The following ZC3H3 variants were observed in gnomAD, a reference collection of about 807,000 sequenced individuals.
The protein encoded by ZC3H3 is zinc finger CCCH-type containing 3.
Under a neutral mutation model 77.3 loss-of-function variants are expected in ZC3H3, and 36 were observed. That is an observed-to-expected ratio of 0.47 (90% CI 0.36 to 0.61). ZC3H3 has a LOEUF of 0.61. ZC3H3 is among the 20% of genes least tolerant of loss of function. The pLI is 0.00. For missense variants in ZC3H3, 1,331 were observed against 1,312.2 expected (o/e 1.01, Z -0.22); for synonymous variants, 626 against 555.2 (o/e 1.13, Z -1.79).
chr8:143,441,377 T>G (rs1304188812), intron 9 of ZC3H3, among the ~76,000 whole-genome samples: 3 of 152,200 alleles, frequency 2.0e-5, no homozygotes, highest in Non-Finnish European at 4.4e-5. Context: ...AGGGCGGGGC[T>G]GGGCCAGCGT....
chr8:143,470,670 C>T (rs550825674), intron 5 of ZC3H3, among the ~76,000 whole-genome samples: 3 of 152,210 alleles, frequency 2.0e-5, no homozygotes, highest in African/African-American at 4.8e-5. Context: ...CTGGCAGGAC[C>T]GGGTGCAGCA....
At chr8:143,475,161 CG>C (rs1820696817) in intron 5 of ZC3H3, among the ~76,000 whole-genome samples, 1 of 152,202 alleles carries the variant, frequency 6.6e-6, no homozygotes, top group East Asian at 1.9e-4. Flanking sequence ...ACGAAGGCGC[CG>C]GGTGTATGGA....
intron 2 of ZC3H3, 23 bp downstream of exon 2, chr8:143,537,980 C>T (rs1472980000): frequency 1.3e-6 from 2 of 1,575,822 alleles, no homozygotes; most frequent in Admixed American, 1.7e-5. Flanking sequence ...TCACACTCTA[C>T]CGCAGCCGGC....
chr8:143,445,609 C>T (rs1450408739), intron 9 of ZC3H3, among the ~76,000 whole-genome samples: 3 of 151,702 alleles, frequency 2.0e-5, no homozygotes, highest in African/African-American at 4.8e-5. Flanking sequence ...AGGAGGATTA[C>T]GTGAGCCCAG....
At chr8:143,536,491 TG>T in intron 2 of ZC3H3, 38 bp from the exon 3 acceptor site, 1 of 1,454,560 alleles carries the variant, frequency 6.9e-7, no homozygotes, top group Non-Finnish European at 9.1e-7. Context: ...CAACAAGCCC[TG>T]GGGGTTCTGC....
chr8:143,536,315 G>A lies in ZC3H3; in HGVS notation c.1503C>T (p.Val501=). 1 of 1,612,168 alleles carries A rather than the reference G, an allele frequency of 6.2e-7. No homozygotes were observed. The highest frequency in any genetic ancestry group is 8.5e-7 in the Non-Finnish European group (1 of 1,179,676). ...KKTPNKGLVQ[V]TTHRLCRLPP... is the part of the protein sequence containing the mutation. The stretch of plus-strand genomic sequence containing the variant: ...GCAGGCGACATAGTCGGTGCGTGGT[G>A]ACCTGTACCAGGCCCTTGTTGGGGG... The change falls in exon 3 of 12, where the codon GTC becomes GTT. Residue 501 remains valine, a synonymous_variant. Transcript: ENST00000262577.
chr8:143,480,376 G>A (rs1451299762), intron 4 of ZC3H3, among the ~76,000 whole-genome samples: 1 of 152,210 alleles, frequency 6.6e-6, no homozygotes, highest in Admixed American at 6.5e-5. Flanking sequence ...ACCAACCCTG[G>A]ACACCCACAC....
chr8:143,472,780 G>A (rs937770541), intron 5 of ZC3H3, among the ~76,000 whole-genome samples: 5 of 152,236 alleles, frequency 3.3e-5, no homozygotes, highest in East Asian at 1.9e-4. Flanking sequence ...AAGCCCCTCC[G>A]TGGGTCCCGC....
In ZC3H3 at chr8:143,538,953, G is replaced by C. The variant is rs773352671; in HGVS notation, c.414C>G (p.Ala138=). Residue 138 remains alanine, a synonymous_variant, in exon 2 of 12, where the codon GCC becomes GCG. Coordinates refer to ENST00000262577, the MANE Select transcript of ZC3H3 (RefSeq NM_015117.3). ...KPPSKSGSAS[A]SGAQRGSLEE... ...CCAAAGAGCCCCGCTGGGCCCCTGA[G>C]GCACTGGCAGAGCCAGACTTTGATG... 3 of 1,613,056 alleles carry C rather than the reference G, an allele frequency of 1.9e-6. No homozygotes were observed. The highest frequency in any genetic ancestry group is 1.1e-5 in the South Asian group (1 of 91,084).
intron 9 of ZC3H3, among the ~76,000 whole-genome samples, chr8:143,441,794 G>C (rs531764939): frequency 6.6e-6 from 1 of 152,274 alleles, no homozygotes; most frequent in East Asian, 1.9e-4. Context: ...CCCTTCCTCT[G>C]CCCACCCCTC....
intron 3 of ZC3H3, among the ~76,000 whole-genome samples, chr8:143,513,958 CACA>C (rs923737818): frequency 6.6e-6 from 1 of 152,184 alleles, no homozygotes; most frequent in African/African-American, 2.4e-5. Context: ...GCCAGGGCTG[CACA>C]ACAAGGGCCC....
intron 9 of ZC3H3, among the ~76,000 whole-genome samples, chr8:143,446,092 C>T (rs917206288): frequency 2.6e-5 from 4 of 152,158 alleles, no homozygotes; most frequent in African/African-American, 7.2e-5. Context: ...ACCGCACACC[C>T]GCTGGAAACA....
chr8:143,527,961 G>A (rs1822472915), intron 3 of ZC3H3, among the ~76,000 whole-genome samples: 1 of 152,142 alleles, frequency 6.6e-6, no homozygotes, highest in Non-Finnish European at 1.5e-5. Flanking sequence ...ACCACGCCTG[G>A]GGGCTCATAA....
intron 3 of ZC3H3, among the ~76,000 whole-genome samples, chr8:143,511,880 A>G (rs1249333549): frequency 3.9e-5 from 6 of 152,232 alleles, no homozygotes; most frequent in African/African-American, 1.2e-4. Flanking sequence ...CCCTTCCCCA[A>G]GCCTCCGCAG....
At chr8:143,505,410 C>T (rs1221920808) in intron 4 of ZC3H3, among the ~76,000 whole-genome samples, 1 of 152,208 alleles carries the variant, frequency 6.6e-6, no homozygotes, top group African/African-American at 2.4e-5. Context: ...TAAACAACCC[C>T]GAGCCCAGGC....
In ZC3H3 at chr8:143,483,277, C is replaced by T. The variant is rs543622823; in HGVS notation, c.1716-7692G>A. Among the ~76,000 whole-genome samples, 112 of 152,320 alleles carry T rather than the reference C, an allele frequency of 7.4e-4. 1 individual carries two copies. Among genetic ancestry groups the T allele is most frequent in the African/African-American group, 2.5e-3 (104 of 41,582 alleles). On this transcript the variant is annotated intron_variant, in intron 4 of 11. Coordinates refer to ENST00000262577, the MANE Select transcript of ZC3H3 (RefSeq NM_015117.3). The stretch of plus-strand genomic sequence containing the variant: ...CCATCACCGTGCTGGCTCGGGAGGG[C>T]GAGCATGCATGTGTGTCCATGCGTG...
At chr8:143,470,744 AG>A (rs1445054290) in intron 5 of ZC3H3, among the ~76,000 whole-genome samples, 1 of 152,256 alleles carries the variant, frequency 6.6e-6, no homozygotes, top group Non-Finnish European at 1.5e-5. Flanking sequence ...GGCTCACGGC[AG>A]GAGTTCTGAC....
rs368742490 is a variant in ZC3H3 at position 143,517,178 on chromosome 8, G to A, written c.1562-9279C>T. Among the ~76,000 whole-genome samples the A allele has an allele frequency of 1.4e-4, 22 of 152,316 alleles. No homozygotes were observed. The East Asian group carries it at 2.1e-3, about 15-fold the overall frequency. On this transcript the variant is annotated intron_variant, in intron 3 of 11. Transcript: ENST00000262577. ...ATTGTGCGCGAGCCATCGATCGCAC[G>A]CCGACACCTGACCCGTCTGTATGAA...
At chr8:143,483,163 A>T (rs1249142620) in intron 4 of ZC3H3, among the ~76,000 whole-genome samples, 2 of 152,228 alleles carry the variant, frequency 1.3e-5, no homozygotes, top group Non-Finnish European at 2.9e-5. Flanking sequence ...GCGGCGCCGC[A>T]GCGAATCCCC....
Sources: gnomAD v4.1 joint callset for allele counts (sites outside exome capture counted in the v4.1 genomes callset) on GRCh38, gnomAD v4.1.1 for gene constraint, MANE v1.5 for transcripts, NCBI Gene and HGNC (gene_info 2026-07-23, HGNC 2026-07-21) for gene names.